Variants in ZC3H7B observed in about 807,000 individuals in gnomAD.
The protein encoded by ZC3H7B is zinc finger CCCH-type containing 7B, also known as zinc finger CCCH domain-containing protein 7B.
Under a neutral mutation model 116.0 loss-of-function variants are expected in ZC3H7B, and 35 were observed. That is an observed-to-expected ratio of 0.30 (90% CI 0.23 to 0.40). The LOEUF (loss-of-function observed/expected upper bound fraction) is 0.40. ZC3H7B is among the 10% of genes least tolerant of loss of function. ZC3H7B has a pLI of 1.00. For synonymous variants in ZC3H7B, 502 were observed against 545.6 expected (o/e 0.92, Z 1.11); for missense variants, 1,011 against 1,321.5 (o/e 0.77, Z 3.64).
chr22:41,352,803 C>G (rs1347504859), intron 17 of ZC3H7B, among the ~76,000 whole-genome samples: 1 of 151,994 alleles, frequency 6.6e-6, no homozygotes, highest in African/African-American at 2.4e-5. Flanking sequence ...GGAGGCCTGG[C>G]GTGGTGGCTG....
intron 9 of ZC3H7B, 147 bp from the exon 10 acceptor site, chr22:41,339,668 AG>A (rs1160305016): frequency 1.5e-6 from 1 of 675,010 alleles, no homozygotes; most frequent in African/African-American, 1.8e-5. Context: ...TCTGGCCAGA[AG>A]GGACCATAGT....
At chr22:41,347,948 G>C (rs1196417956) in intron 14 of ZC3H7B, 119 bp from the exon 15 acceptor site, 41 of 815,944 alleles carry the variant, frequency 5.0e-5, no homozygotes, top group Non-Finnish European at 7.9e-5. Flanking sequence ...TCACTCCTCT[G>C]ACCCAGGGCA....
chr22:41,347,067 G>A (rs1424332410), intron 14 of ZC3H7B, among the ~76,000 whole-genome samples: 1 of 152,134 alleles, frequency 6.6e-6, no homozygotes, highest in African/African-American at 2.4e-5. Flanking sequence ...AGGGTAGCGA[G>A]GAACTGCCCT....
chr22:41,309,008 C>CTTGTTTTTT (rs2036082723), intron 1 of ZC3H7B, among the ~76,000 whole-genome samples: 1 of 103,304 alleles, frequency 9.7e-6, no homozygotes, highest in Non-Finnish European at 1.9e-5. Flanking sequence ...TCCCAGTCTG[C>CTTGTTTTTT]TTTTTTTTTT....
Position 41,325,874 on chromosome 22 carries a change from C to T in ZC3H7B, c.241C>T (p.Leu81=), listed in dbSNP as rs746062792. ...SDQVALPREL[L]CKLHVNRAAC... ...CCAGGTGGCCCTGCCCCGGGAGCTG[C>T]TGTGCAAGCTGCATGTCAATAGGGC... The change falls in exon 4 of 23, where the codon CTG becomes TTG. Residue 81 remains leucine, a synonymous_variant. Coordinates refer to ENST00000352645, the MANE Select transcript of ZC3H7B (RefSeq NM_017590.6). 2 of 1,611,354 alleles carry T rather than the reference C, an allele frequency of 1.2e-6. No individual in the cohort carries two copies. The highest frequency in any genetic ancestry group is 1.7e-5 in the Admixed American group (1 of 59,772).
In ZC3H7B at chr22:41,346,256, G is replaced by A; in HGVS notation, c.1665+48G>A. The A allele has an allele frequency of 1.3e-6, 2 of 1,589,840 alleles. No individual in the cohort carries two copies. The highest frequency in any genetic ancestry group is 8.5e-7 in the Non-Finnish European group (1 of 1,171,570). On this transcript the variant is annotated intron_variant, in intron 14 of 22. Coordinates refer to ENST00000352645, the MANE Select transcript of ZC3H7B (RefSeq NM_017590.6). This position sits in a 1 kb window ranked among gnomAD's most constrained non-coding sequence, Gnocchi z 5.3. ...CACCCCATAGGCCATGGCACAGACA[G>A]GGCTGGGGATGCTCCCTGGCACGGA...
intron 6 of ZC3H7B, among the ~76,000 whole-genome samples, chr22:41,331,085 C>T (rs1720962623): frequency 7.0e-6 from 1 of 142,934 alleles, no homozygotes; most frequent in Admixed American, 6.9e-5. Flanking sequence ...TCTCGATCTC[C>T]TGACCTCGTG....
intron 2 of ZC3H7B, among the ~76,000 whole-genome samples, chr22:41,325,266 C>G (rs1358354825): frequency 6.6e-6 from 1 of 151,744 alleles, no homozygotes; most frequent in Non-Finnish European, 1.5e-5. Context: ...GGAGCTGGGG[C>G]TGTGGCTGGA....
In ZC3H7B at chr22:41,346,422, C is replaced by T. The variant is rs1046436634; in HGVS notation, c.1665+214C>T. On this transcript the variant is annotated intron_variant, in intron 14 of 22. Transcript: ENST00000352645. The surrounding 1 kb of genome is among the most constrained non-coding windows in gnomAD (Gnocchi z 5.3). ...GATCTGATCCAGCCCCCTCATTTTG[C>T]AGAGGCAGAAACTGAGGCTGGAAAG... Among the ~76,000 whole-genome samples the T allele has an allele frequency of 6.6e-6, 1 of 152,226 alleles. No homozygotes were observed. Among genetic ancestry groups the T allele is most frequent in the Non-Finnish European group, 1.5e-5 (1 of 68,040 alleles).
rs2036309902 is a variant in ZC3H7B, at chr22:41,325,717, A to G, written c.88-4A>G. On this transcript the variant is annotated splice_polypyrimidine_tract_variant and splice_region_variant and intron_variant, in intron 3 of 22. Transcript: ENST00000352645. ...GAGCCCCCTACACACCTTGCCCCCAACAGGCCTTTCTGCTCAAGCTGGTGC... is the reference window on the plus strand; with the variant it reads ...GAGCCCCCTACACACCTTGCCCCCAGCAGGCCTTTCTGCTCAAGCTGGTGC... The G allele has an allele frequency of 3.7e-6, 6 of 1,612,478 alleles. No homozygotes were observed. The highest frequency in any genetic ancestry group is 3.4e-5 in the Admixed American group (2 of 59,658).
chr22:41,311,288 G>C (rs1307968293), intron 1 of ZC3H7B, among the ~76,000 whole-genome samples: 1 of 151,824 alleles, frequency 6.6e-6, no homozygotes, highest in Non-Finnish European at 1.5e-5. Flanking sequence ...GGGGTTGCAG[G>C]GTGGGGAAAT....
In ZC3H7B at chr22:41,302,677, A is replaced by C. The variant is rs1215627965; in HGVS notation, c.-7+905A>C. Among the ~76,000 whole-genome samples the C allele has an allele frequency of 6.6e-6, 1 of 152,116 alleles. No individual in the cohort carries two copies. The highest frequency in any genetic ancestry group is 1.5e-5 in the Non-Finnish European group (1 of 68,012). On this transcript the variant is annotated intron_variant, in intron 1 of 22. Coordinates refer to ENST00000352645, the MANE Select transcript of ZC3H7B (RefSeq NM_017590.6). The surrounding 1 kb of genome is among the most constrained non-coding windows in gnomAD (Gnocchi z 5.7). ...TCAACTCTGTCTGTTTTAGGCGTTTATAAGGCGCCTGGTTGGGGGGACTTT... is the reference window on the plus strand; with the variant it reads ...TCAACTCTGTCTGTTTTAGGCGTTTCTAAGGCGCCTGGTTGGGGGGACTTT...
intron 17 of ZC3H7B, among the ~76,000 whole-genome samples, chr22:41,352,689 G>A (rs2036667769): frequency 6.6e-6 from 1 of 151,974 alleles, no homozygotes; most frequent in African/African-American, 2.4e-5. Context: ...GTGAACCCGG[G>A]AGGTGGAGGT....
At position 41,346,459 on chromosome 22, in the gene ZC3H7B, C is replaced by A. The variant is rs1002234156; in HGVS notation, c.1665+251C>A. Among the ~76,000 whole-genome samples, 2 of 152,242 alleles carry A rather than the reference C, an allele frequency of 1.3e-5. No individual in the cohort carries two copies. The highest frequency in any genetic ancestry group is 4.8e-5 in the African/African-American group (2 of 41,462). On this transcript the variant is annotated intron_variant, in intron 14 of 22. Coordinates refer to ENST00000352645, the MANE Select transcript of ZC3H7B (RefSeq NM_017590.6). This position sits in a 1 kb window ranked among gnomAD's most constrained non-coding sequence, Gnocchi z 5.3. ...CTGAGGCTGGAAAGAAAAATCATAA[C>A]CCTCACACCTGCTCTTTTCTGACAG...
intron 2 of ZC3H7B, among the ~76,000 whole-genome samples, chr22:41,324,005 G>A (rs1367555350): frequency 3.3e-5 from 5 of 152,144 alleles, no homozygotes; most frequent in Non-Finnish European, 7.4e-5. Context: ...GGGAGGTGGA[G>A]GTTGCAGTGA....
chr22:41,312,912 C>T (rs1158451032), intron 1 of ZC3H7B, among the ~76,000 whole-genome samples: 1 of 152,068 alleles, frequency 6.6e-6, no homozygotes, highest in Non-Finnish European at 1.5e-5. Flanking sequence ...TATAATACAT[C>T]CTATGCAAAT....
chr22:41,325,155 T>C (rs1601773908), intron 2 of ZC3H7B, among the ~76,000 whole-genome samples: 1 of 152,182 alleles, frequency 6.6e-6, no homozygotes, highest in Non-Finnish European at 1.5e-5. Flanking sequence ...TGGCTGTTTT[T>C]TTCAGCAGCA....
intron 7 of ZC3H7B, among the ~76,000 whole-genome samples, chr22:41,337,119 A>G (rs1424772768): frequency 1.3e-5 from 2 of 151,370 alleles, no homozygotes; most frequent in Non-Finnish European, 2.9e-5. Context: ...CTGGGCAACA[A>G]GAGCAAATCT....
In ZC3H7B at chr22:41,356,019, C is replaced by A; in HGVS notation, c.2340C>A (p.Ser780Arg). Residue 780 changes from serine (S) to arginine (R), a missense_variant, in exon 20 of 23, where the codon AGC becomes AGA. Physicochemically the swap from Ser to Arg is moderately radical, Grantham distance 110. Coordinates refer to ENST00000352645, the MANE Select transcript of ZC3H7B (RefSeq NM_017590.6). ...QYVGNCSFAH[S>R]PEERDMWTFM... ...TGGGGAACTGCTCCTTCGCACACAG[C>A]CCGGAGGAGAGGGACATGTGGACCT... The A allele has an allele frequency of 6.4e-7, 1 of 1,567,310 alleles. No homozygotes were observed. Among genetic ancestry groups the A allele is most frequent in the Non-Finnish European group, 8.6e-7 (1 of 1,161,310 alleles).
Sources: allele counts gnomAD v4.1 joint callset (sites outside exome capture counted in the v4.1 genomes callset), GRCh38; gene constraint gnomAD v4.1.1; non-coding constraint Gnocchi (gnomAD v3.1); transcripts MANE v1.5; gene names NCBI Gene and HGNC (gene_info 2026-07-23, HGNC 2026-07-21).